IMMP2L: variants seen among roughly 807,000 people sequenced by gnomAD.
The protein encoded by IMMP2L is mitochondrial inner membrane protease subunit 2.
Under a neutral mutation model 19.3 loss-of-function variants are expected in IMMP2L, and 18 were observed. That is an observed-to-expected ratio of 0.93 (90% CI 0.64 to 1.38). The LOEUF (loss-of-function observed/expected upper bound fraction) is 1.38. Among genes scored for constraint, IMMP2L ranks in the 40% most tolerant of loss-of-function variants. IMMP2L has a pLI of 0.00. For missense variants in IMMP2L, 233 were observed against 218.2 expected, an observed-to-expected ratio of 1.07 and a Z score of -0.43; for synonymous variants, 76 against 73.0, an observed-to-expected ratio of 1.04 and a Z score of -0.21.
At position 110,925,400 on chromosome 7, in the gene IMMP2L, AC is replaced by A. The variant is rs377482282; in HGVS notation, c.305+38099del. Among the ~76,000 whole-genome samples, 32 of 152,262 alleles carry A rather than the reference AC, an allele frequency of 2.1e-4. 1 individual carries two copies. The East Asian group carries it at 6.2e-3, about 29-fold the overall frequency. On this transcript the variant is annotated intron_variant, in intron 4 of 5. Coordinates refer to ENST00000405709, the MANE Select transcript of IMMP2L (RefSeq NM_032549.4). ...ATCCCCCGGATACTCTCATAGCTGTACCAGGACACACACTTGTTTTTATAAC... is the reference window on the plus strand; with the variant it reads ...ATCCCCCGGATACTCTCATAGCTGTACAGGACACACACTTGTTTTTATAAC...
intron 3 of IMMP2L, among the ~76,000 whole-genome samples, chr7:111,159,434 T>A (rs1389720611): frequency 6.6e-6 from 1 of 152,010 alleles, no homozygotes; most frequent in East Asian, 1.9e-4. Flanking sequence ...GCTGATGATG[T>A]TTATACTTTA....
At chr7:110,815,277 T>C (rs1802392906) in intron 5 of IMMP2L, among the ~76,000 whole-genome samples, 2 of 152,164 alleles carry the variant, frequency 1.3e-5, no homozygotes, top group Non-Finnish European at 2.9e-5. Context: ...TTTATTGATT[T>C]GCGTATGCTG....
rs138053344 is a variant in IMMP2L, at chr7:111,173,557, T to C, written c.240-209992A>G. The stretch of plus-strand genomic sequence containing the variant: ...CTGAATCTACTGGTTACAACCACAG[T>C]GGTTTGGAGGCTATACACTCGTTCT... On this transcript the variant is annotated intron_variant, in intron 3 of 5. Transcript: ENST00000405709. 5.7e-3 allele frequency among the ~76,000 whole-genome samples: 863 copies of C among 151,712 alleles called. 4 individuals are homozygous for C. Among genetic ancestry groups the C allele is most frequent in the Middle Eastern group, 0.017 (5 of 294 alleles).
At chr7:110,850,840 T>C (rs1231724765) in intron 5 of IMMP2L, among the ~76,000 whole-genome samples, 1 of 151,822 alleles carries the variant, frequency 6.6e-6, no homozygotes, top group Non-Finnish European at 1.5e-5. Context: ...TATTTATAAA[T>C]GTAGACAGAC....
chr7:110,799,766 G>C (rs892231832), intron 5 of IMMP2L, among the ~76,000 whole-genome samples: 4 of 152,074 alleles, frequency 2.6e-5, no homozygotes, highest in Admixed American at 2.6e-4. Flanking sequence ...AGACAGCCTA[G>C]GCCAAGCAGA....
At chr7:111,556,037 C>CATATATATAT (rs1356609635) in intron 1 of IMMP2L, among the ~76,000 whole-genome samples, 1 of 108,256 alleles carries the variant, frequency 9.2e-6, no homozygotes, top group South Asian at 3.3e-4. Flanking sequence ...TATATATATA[C>CATATATATAT]ATACCCAAAG....
intron 3 of IMMP2L, among the ~76,000 whole-genome samples, chr7:111,036,670 G>T (rs772707340): frequency 2.6e-5 from 4 of 152,000 alleles, no homozygotes; most frequent in Non-Finnish European, 5.9e-5. Context: ...GAATTTTATT[G>T]ATGTTACACA....
At chr7:111,346,263 T>C (rs6943848) in intron 3 of IMMP2L, among the ~76,000 whole-genome samples, 3,047 of 152,200 alleles carry the variant, frequency 0.02, 108 homozygotes, top group African/African-American at 0.069. Context: ...AGAGGCTATA[T>C]TGGGAGTAAC....
chr7:111,511,947 C>T (rs148396213), intron 2 of IMMP2L, among the ~76,000 whole-genome samples: 33 of 152,198 alleles, frequency 2.2e-4, no homozygotes, highest in African/African-American at 7.7e-4. Flanking sequence ...GTTAGCAGCC[C>T]ACTTTCCCCA....
At chr7:111,124,539 T>C in intron 3 of IMMP2L, 1 of 1,613,424 alleles carries the variant, frequency 6.2e-7, no homozygotes, top group Non-Finnish European at 8.5e-7. Context: ...CAACTGAGTA[T>C]AAAATTTGTA....
In IMMP2L at chr7:110,817,296, C is replaced by G. The variant is rs575626586; in HGVS notation, c.408+69297G>C. Among the ~76,000 whole-genome samples the G allele has an allele frequency of 3.3e-5, 5 of 152,170 alleles. No homozygotes were observed. The South Asian group carries it at 1.0e-3, about 32-fold the overall frequency. ...ATACAAAATCAATGTACCAAAATCA[C>G]GAGCATTCTTATACACCAATAACAG... On this transcript the variant is annotated intron_variant, in intron 5 of 5. Coordinates refer to ENST00000405709, the MANE Select transcript of IMMP2L (RefSeq NM_032549.4).
At chr7:111,438,673 G>C (rs1158909361) in intron 3 of IMMP2L, among the ~76,000 whole-genome samples, 2 of 151,870 alleles carry the variant, frequency 1.3e-5, no homozygotes, top group Non-Finnish European at 2.9e-5. Flanking sequence ...GGACAAAGCT[G>C]ATAGGCAAAA....
chr7:110,734,973 G>C (rs970253116), intron 5 of IMMP2L, among the ~76,000 whole-genome samples: 27 of 152,196 alleles, frequency 1.8e-4, no homozygotes, highest in African/African-American at 5.1e-4. Context: ...CAGACTTGCA[G>C]AGGTTCCCTT....
intron 2 of IMMP2L, among the ~76,000 whole-genome samples, chr7:111,516,069 C>T (rs573054903): frequency 3.0e-4 from 45 of 152,186 alleles, no homozygotes; most frequent in African/African-American, 7.5e-4. Context: ...TCTGAGCTTA[C>T]GTAAAGTACC....
In IMMP2L at chr7:111,300,853, T is replaced by C. The variant is rs541997452; in HGVS notation, c.239+186385A>G. ...TTTCACCACTGACAGTTGCAGAACA[T>C]TCAGGATGTTGCCAGTTTGGGCCCA... On this transcript the variant is annotated intron_variant, in intron 3 of 5. Coordinates refer to ENST00000405709, the MANE Select transcript of IMMP2L (RefSeq NM_032549.4). Among the ~76,000 whole-genome samples, 27 of 152,268 alleles carry C rather than the reference T, an allele frequency of 1.8e-4. No homozygotes were observed. The South Asian group carries it at 5.0e-3, about 28-fold the overall frequency.
At chr7:111,284,242 C>T (rs899765613) in intron 3 of IMMP2L, among the ~76,000 whole-genome samples, 1 of 152,094 alleles carries the variant, frequency 6.6e-6, no homozygotes, top group Admixed American at 6.6e-5. Context: ...AACTGAAGAA[C>T]TGTTCTTTTG....
At chr7:111,279,574 T>C (rs1275868484) in intron 3 of IMMP2L, among the ~76,000 whole-genome samples, 1 of 152,200 alleles carries the variant, frequency 6.6e-6, no homozygotes, top group African/African-American at 2.4e-5. Flanking sequence ...TAAATATTAT[T>C]GTCTCAATTT....
At chr7:110,742,768 CAAAAA>C (rs35558488) in intron 5 of IMMP2L, among the ~76,000 whole-genome samples, 3 of 121,576 alleles carry the variant, frequency 2.5e-5, no homozygotes, top group African/African-American at 3.0e-5. Context: ...AACTCCGTCT[CAAAAA>C]AAAAAAAAAA....
chr7:111,201,755 T>G (rs894501478), intron 3 of IMMP2L, among the ~76,000 whole-genome samples: 1 of 151,440 alleles, frequency 6.6e-6, no homozygotes, highest in Non-Finnish European at 1.5e-5. Context: ...ATGAGGTTTC[T>G]AAGAGCTGAT....
Sources: gnomAD v4.1 joint callset for allele counts (sites outside exome capture counted in the v4.1 genomes callset) on GRCh38, gnomAD v4.1.1 for gene constraint, MANE v1.5 for transcripts, NCBI Gene and HGNC (gene_info 2026-07-23, HGNC 2026-07-21) for gene names.